Variants in GRIK2 observed in about 807,000 individuals in gnomAD.
The protein encoded by GRIK2 is glutamate ionotropic receptor kainate type subunit 2, also known as glutamate receptor ionotropic, kainate 2.
Under a neutral mutation model 100.3 loss-of-function variants are expected in GRIK2, and 32 were observed. The observed-to-expected ratio is 0.32, with a 90% confidence interval of 0.24 to 0.43. The LOEUF (loss-of-function observed/expected upper bound fraction) is 0.43, where lower values mean the gene tolerates loss of function less well. GRIK2 is among the 20% of genes least tolerant of loss of function. The probability of loss-of-function intolerance (pLI) is 1.00; values close to 1 mark genes in which losing one functional copy is unlikely to be tolerated. For missense variants in GRIK2, 843 were observed against 1,114.9 expected (o/e 0.76, Z 3.47); for synonymous variants, 417 against 389.4 (o/e 1.07, Z -0.83).
chr6:101,416,155 A>T (rs929854172), intron 2 of GRIK2, among the ~76,000 whole-genome samples: 5 of 152,218 alleles, frequency 3.3e-5, no homozygotes, highest in Admixed American at 2.6e-4. Flanking sequence ...TAGGCCAGTG[A>T]GGTGGCCTTT....
intron 11 of GRIK2, among the ~76,000 whole-genome samples, chr6:101,873,878 G>T (rs1303405061): frequency 1.3e-5 from 2 of 152,256 alleles, no homozygotes; most frequent in Admixed American, 6.5e-5. Context: ...GTGTCTTTTG[G>T]CTGCATAAAT....
At chr6:101,821,735 A>G (rs905314657) in intron 10 of GRIK2, among the ~76,000 whole-genome samples, 1 of 152,114 alleles carries the variant, frequency 6.6e-6, no homozygotes, top group Non-Finnish European at 1.5e-5. Flanking sequence ...GAGATTATGT[A>G]CCTTATTTAT....
intron 11 of GRIK2, among the ~76,000 whole-genome samples, chr6:101,882,576 G>C (rs1051748198): frequency 3.3e-5 from 5 of 151,272 alleles, no homozygotes; most frequent in African/African-American, 1.2e-4. Flanking sequence ...TTTTTTAAAT[G>C]ATTTCCTATT....
intron 8 of GRIK2, among the ~76,000 whole-genome samples, chr6:101,800,846 A>G (rs1047511896): frequency 1.4e-4 from 22 of 152,054 alleles, no homozygotes; most frequent in African/African-American, 5.1e-4. Flanking sequence ...GATTATTGAA[A>G]CAATGACGTG....
Position 102,069,172 on chromosome 6 carries a change from T to G in GRIK2, c.*661T>G, listed in dbSNP as rs1390803009. 6.7e-6 allele frequency: 1 copy of G among 150,044 alleles called. No homozygotes were observed. Among genetic ancestry groups the G allele is most frequent in the East Asian group, 1.9e-4 (1 of 5,144 alleles). 9.3% of individuals were successfully genotyped at this position (150,044 alleles called of 1,614,324 possible). ...TGACAGTCTGTGTCACTGATTGAGA[T>G]AGAAATGCCAATTATCAAGGAAATA... On this transcript the variant is annotated 3_prime_UTR_variant, in exon 17 of 17. Transcript: ENST00000369134.
chr6:101,878,292 A>C (rs1786006091), intron 11 of GRIK2, among the ~76,000 whole-genome samples: 1 of 151,060 alleles, frequency 6.6e-6, no homozygotes, highest in South Asian at 2.1e-4. Flanking sequence ...CAAATAAGTA[A>C]AAGTTTGCAT....
chr6:101,655,206 T>A (rs1781999335), intron 4 of GRIK2, among the ~76,000 whole-genome samples: 1 of 152,298 alleles, frequency 6.6e-6, no homozygotes, highest in East Asian at 1.9e-4. Context: ...CATGTGTAAA[T>A]GTGATAAGAG....
chr6:101,779,254 G>T (rs1778931931), intron 7 of GRIK2, among the ~76,000 whole-genome samples: 2 of 151,988 alleles, frequency 1.3e-5, no homozygotes, highest in African/African-American at 4.8e-5. Context: ...CTGTGGCAAT[G>T]GCTCAGCCAT....
chr6:101,488,937 G>A (rs1341415981), intron 2 of GRIK2, among the ~76,000 whole-genome samples: 1 of 145,992 alleles, frequency 6.8e-6, no homozygotes, highest in Non-Finnish European at 1.5e-5. Flanking sequence ...ATATGCAAGA[G>A]AAGCGGCATA....
intron 11 of GRIK2, among the ~76,000 whole-genome samples, chr6:101,874,169 C>A (rs566289422): frequency 1.3e-5 from 2 of 152,200 alleles, no homozygotes; most frequent in African/African-American, 4.8e-5. Flanking sequence ...GAAGTCCTTG[C>A]CTATGCCTAT....
intron 7 of GRIK2, among the ~76,000 whole-genome samples, chr6:101,769,281 G>A (rs1778252433): frequency 1.3e-5 from 2 of 152,140 alleles, no homozygotes; most frequent in African/African-American, 4.8e-5. Flanking sequence ...AAGTATCTTT[G>A]TAGTAATTTT....
chr6:101,684,529 C>T (rs562695057), intron 6 of GRIK2, among the ~76,000 whole-genome samples: 5 of 152,136 alleles, frequency 3.3e-5, no homozygotes, highest in South Asian at 2.1e-4. Flanking sequence ...ATCATCAGCC[C>T]GGTCTTTCTT....
intron 4 of GRIK2, among the ~76,000 whole-genome samples, chr6:101,643,006 T>C (rs964612935): frequency 6.6e-6 from 1 of 151,800 alleles, no homozygotes; most frequent in African/African-American, 2.4e-5. Flanking sequence ...TATATTCTTA[T>C]TGATCATTTG....
chr6:101,764,448 T>A (rs1321479407), intron 7 of GRIK2, among the ~76,000 whole-genome samples: 2 of 152,100 alleles, frequency 1.3e-5, no homozygotes, highest in Admixed American at 6.6e-5. Context: ...TGTGTGTATG[T>A]GTGAGAGAGA....
chr6:101,459,560 T>G (rs1394882310), intron 2 of GRIK2, among the ~76,000 whole-genome samples: 2 of 152,138 alleles, frequency 1.3e-5, no homozygotes, highest in Admixed American at 1.3e-4. Context: ...TTCCTAGAGG[T>G]TGACCTTAAC....
At chr6:101,984,577 T>A (rs1793906006) in intron 14 of GRIK2, among the ~76,000 whole-genome samples, 1 of 149,866 alleles carries the variant, frequency 6.7e-6, no homozygotes, top group African/African-American at 2.4e-5. Context: ...TAGAATCAGA[T>A]ATACTTGTGG....
At chr6:101,489,514 G>T (rs1484924717) in intron 2 of GRIK2, among the ~76,000 whole-genome samples, 1 of 145,976 alleles carries the variant, frequency 6.9e-6, no homozygotes, top group African/African-American at 2.6e-5. Context: ...ATAGAAGCTG[G>T]ATCCATGAAA....
Position 101,437,954 on chromosome 6 carries a change from G to A in GRIK2, c.115+38562G>A, listed in dbSNP as rs1769829488. ...ACAAAAGGAAATAAAGGATGAAGCA[G>A]TGGGCGGAGAATGTAGACTAGTGGA... On this transcript the variant is annotated intron_variant, in intron 2 of 16. Transcript: ENST00000369134. 2.0e-5 allele frequency among the ~76,000 whole-genome samples: 3 copies of A among 152,258 alleles called. No individual in the cohort carries two copies. In the South Asian group the frequency reaches 6.2e-4, roughly 32 times the overall value.
intron 2 of GRIK2, among the ~76,000 whole-genome samples, chr6:101,506,100 A>AATTATTCTC (rs1395010504): frequency 1.3e-5 from 2 of 152,238 alleles, no homozygotes; most frequent in East Asian, 3.9e-4. Flanking sequence ...TATGTAGAAT[A>AATTATTCTC]ATTATTCTCA....
Sources: allele counts gnomAD v4.1 joint callset (sites outside exome capture counted in the v4.1 genomes callset), GRCh38; gene constraint gnomAD v4.1.1; transcripts MANE v1.5; gene names NCBI Gene and HGNC (gene_info 2026-07-23, HGNC 2026-07-21).